TMIE: variants seen among roughly 807,000 people sequenced by gnomAD.
TMIE encodes transmembrane inner ear, also known as transmembrane inner ear expressed protein.
In TMIE, 14 loss-of-function variants were observed where a neutral mutation model predicts 16.8. The ratio of observed to expected loss-of-function variants is 0.83; its 90% confidence interval spans 0.55 to 1.30. The LOEUF (loss-of-function observed/expected upper bound fraction) is 1.30, where lower values mean the gene tolerates loss of function less well. Among genes scored for constraint, TMIE ranks in the 50% most tolerant of loss-of-function variants. TMIE has a pLI of 0.00. For missense variants in TMIE, 204 were observed against 205.9 expected (o/e 0.99, Z 0.06); for synonymous variants, 75 against 87.2 (o/e 0.86, Z 0.78).
At position 46,709,282 on chromosome 3, in the gene TMIE, T is replaced by G. The variant is rs753115872; in HGVS notation, c.361+7T>G. The G allele has an allele frequency of 6.2e-7, 1 of 1,613,926 alleles. No individual in the cohort carries two copies. The highest frequency in any genetic ancestry group is 1.1e-5 in the South Asian group (1 of 91,080). Reference sequence around the variant, plus strand: ...CTCACAGAAGTCCCAGGAGGTGAGTTGGCCCTGGCTTGAGCCCTGCTGCGC... The same window carrying G: ...CTCACAGAAGTCCCAGGAGGTGAGTGGGCCCTGGCTTGAGCCCTGCTGCGC... On this transcript the variant is annotated splice_region_variant and intron_variant, in intron 3 of 3. Coordinates refer to ENST00000643606, the MANE Select transcript of TMIE (RefSeq NM_147196.3).
rs932568006 is a variant in TMIE, at chr3:46,702,923, C to A, written c.93+1343C>A. Among the ~76,000 whole-genome samples the A allele has an allele frequency of 6.6e-5, 10 of 152,204 alleles. No individual in the cohort carries two copies. In the East Asian group the frequency reaches 1.9e-3, roughly 29 times the overall value. ...CTGCCCTGAGGCCTGGGTACAGAAACTGAGCTGGCCTAGGTGCAGACAGAA... is the reference window on the plus strand; with the variant it reads ...CTGCCCTGAGGCCTGGGTACAGAAAATGAGCTGGCCTAGGTGCAGACAGAA... On this transcript the variant is annotated intron_variant, in intron 1 of 3. Coordinates refer to ENST00000643606, the MANE Select transcript of TMIE (RefSeq NM_147196.3).
rs1271625694 is a variant in TMIE, at chr3:46,705,839, C to T, written c.143C>T (p.Thr48Ile). Residue 48 changes from threonine to isoleucine, a missense_variant, in exon 2 of 4, where the codon ACA becomes ATA. By Grantham distance (89) the Thr-to-Ile change is moderately conservative. Transcript: ENST00000643606. ...AAGCCGCCTCCGCTGACCAAGGAGA[C>T]AGTGGTGTTCTGGGACATGCGCCTG... Reference protein sequence around the residue: ...KPKPPPLTKETVVFWDMRLWH... With the variant: ...KPKPPPLTKEIVVFWDMRLWH... 2 of 1,614,062 alleles carry T rather than the reference C, an allele frequency of 1.2e-6. No individual in the cohort carries two copies. The highest frequency in any genetic ancestry group is 1.7e-6 in the Non-Finnish European group (2 of 1,180,052).
At position 46,701,494 on chromosome 3, in the gene TMIE, G is replaced by A. The variant is rs1700475714; in HGVS notation, c.7G>A (p.Gly3Arg). 2 of 1,348,120 alleles carry A rather than the reference G, an allele frequency of 1.5e-6. No homozygotes were observed. The highest frequency in any genetic ancestry group is 1.9e-6 in the Non-Finnish European group (2 of 1,053,774). The allele number at this position is 1,348,120 out of a possible 1,614,324, so 83.5% of individuals were successfully genotyped here. A position where few individuals can be genotyped will look rare whatever the true frequency, so the allele number is the denominator to read the frequency against. The change falls in exon 1 of 4, where the codon GGG (glycine) becomes AGG (arginine). Residue 3 changes from glycine (G) to arginine (R), a missense_variant. Coordinates refer to ENST00000643606, the MANE Select transcript of TMIE (RefSeq NM_147196.3). The surrounding 1 kb of genome is among the most constrained non-coding windows in gnomAD (Gnocchi z 4.3). The part of the protein sequence containing the change: MA[G>R]WPGAGPLCVL... ...GCGGCGCGGTGGCACGAAGATGGCG[G>A]GGTGGCCGGGCGCGGGTCCCCTCTG...
intron 2 of TMIE, among the ~76,000 whole-genome samples, chr3:46,707,762 ACTG>A (rs1700570184): frequency 6.6e-6 from 1 of 152,168 alleles, no homozygotes; most frequent in Admixed American, 6.5e-5. Flanking sequence ...TCAGTGGCCC[ACTG>A]AGCTCCTTAG....
At position 46,710,286 on chromosome 3, in the gene TMIE, C is replaced by G. The variant is rs1263376520; in HGVS notation, c.*598C>G. On this transcript the variant is annotated 3_prime_UTR_variant, in exon 4 of 4. Transcript: ENST00000643606. Reference sequence around the variant, plus strand: ...GGCTTCAGAAATGGAACCCCCAGCCCAGCAGACATCAAGCTCAAGGCAATG... The same window carrying G: ...GGCTTCAGAAATGGAACCCCCAGCCGAGCAGACATCAAGCTCAAGGCAATG... 1.1e-5 allele frequency: 2 copies of G among 177,858 alleles called. No individual in the cohort carries two copies. Among genetic ancestry groups the G allele is most frequent in the African/African-American group, 4.7e-5 (2 of 42,518 alleles). The allele number at this position is 177,858 out of a possible 1,614,324, so 11.0% of individuals were successfully genotyped here.
At chr3:46,699,027 A>G (rs1700438688), upstream of TMIE, among the ~76,000 whole-genome samples, 1 of 150,912 alleles carries the variant, frequency 6.6e-6, no homozygotes, top group African/African-American at 2.4e-5. Flanking sequence ...AGAGGGCACA[A>G]AAGGAAACTT....
chr3:46,696,500 A>G (rs1700412838), upstream of TMIE, among the ~76,000 whole-genome samples: 1 of 151,900 alleles, frequency 6.6e-6, no homozygotes, highest in Admixed American at 6.6e-5. Flanking sequence ...GGGACAGCCA[A>G]CTCCCAGCAG....
At position 46,709,863 on chromosome 3, in the gene TMIE, T is replaced by G. The variant is rs1421379382; in HGVS notation, c.*175T>G. On this transcript the variant is annotated 3_prime_UTR_variant, in exon 4 of 4. Transcript: ENST00000643606. ...CAGGGGCAGGAACCAGACAATCTCG[T>G]AGGTGTCCTGCCCCCCAGCCTAGGC... is the stretch of plus-strand genomic sequence containing the variant. The G allele has an allele frequency of 7.5e-7, 1 of 1,338,250 alleles. No homozygotes were observed. Among genetic ancestry groups the G allele is most frequent in the African/African-American group, 1.5e-5 (1 of 68,144 alleles). The allele number at this position is 1,338,250 out of a possible 1,614,324, so 82.9% of individuals were successfully genotyped here.
At chr3:46,696,676 C>T (rs1473685442), upstream of TMIE, among the ~76,000 whole-genome samples, 1 of 152,184 alleles carries the variant, frequency 6.6e-6, no homozygotes, top group Non-Finnish European at 1.5e-5. Flanking sequence ...CAGGAGAGAA[C>T]ATTCCACAGG....
chr3:46,702,944 C>A (rs75278681), intron 1 of TMIE, among the ~76,000 whole-genome samples: 3,803 of 152,070 alleles, frequency 0.025, 53 homozygotes, highest in Non-Finnish European at 0.032. Context: ...TAGGTGCAGA[C>A]AGAAAGCTGG....
Position 46,710,330 on chromosome 3 carries a change from C to T in TMIE, c.*642C>T, listed in dbSNP as rs78774613. The T allele has an allele frequency of 6.7e-3, 1,078 of 161,418 alleles. 14 individuals carry two copies. The highest frequency in any genetic ancestry group is 0.024 in the African/African-American group (1,011 of 41,674). 10.0% of individuals were successfully genotyped at this position (161,418 alleles called of 1,614,324 possible). On this transcript the variant is annotated 3_prime_UTR_variant, in exon 4 of 4. Transcript: ENST00000643606. ...GGCAATGGGCTACCCTCATTTCACA[C>T]GTTGTGATGAAGCTGAGGCTGCTGC...
chr3:46,696,908 A>G (rs1438193231), upstream of TMIE, among the ~76,000 whole-genome samples: 1 of 152,116 alleles, frequency 6.6e-6, no homozygotes, highest in East Asian at 1.9e-4. Flanking sequence ...AACCCCAGAT[A>G]TGATGGGCCC....
chr3:46,702,136 C>T lies in TMIE; in HGVS notation c.93+556C>T, dbSNP rs181747760. 1.2e-3 allele frequency among the ~76,000 whole-genome samples: 181 copies of T among 151,992 alleles called. 2 individuals carry two copies. Among genetic ancestry groups the T allele is most frequent in the Admixed American group, 7.9e-3 (121 of 15,278 alleles). On this transcript the variant is annotated intron_variant, in intron 1 of 3. Coordinates refer to ENST00000643606, the MANE Select transcript of TMIE (RefSeq NM_147196.3). ...GGTGGGGGCAGCAGGATGAGGAGAC[C>T]CTTTACAGAGAAGCTATGTGGAGCA...
rs1700547380 is a variant in TMIE, at chr3:46,705,900, G to T, written c.204G>T (p.Leu68Phe). The change falls in exon 2 of 4, where the codon TTG (leucine) becomes TTT (phenylalanine). Residue 68 changes from leucine (L) to phenylalanine (F), a missense_variant. Physicochemically the swap from Leu to Phe is conservative, Grantham distance 22 (BLOSUM62 0). Transcript: ENST00000643606. Reference sequence around the variant, plus strand: ...TGGGCATCTTTTCGCTCTTCGTGTTGTCCATCAGTGAGTAGCTGTTCCCTT... The same window carrying T: ...TGGGCATCTTTTCGCTCTTCGTGTTTTCCATCAGTGAGTAGCTGTTCCCTT... ...HVVGIFSLFV[L>F]SIIITLCCVF... 4 of 1,613,878 alleles carry T rather than the reference G, an allele frequency of 2.5e-6. No homozygotes were observed. The highest frequency in any genetic ancestry group is 1.3e-5 in the African/African-American group (1 of 74,922).
intron 1 of TMIE, among the ~76,000 whole-genome samples, chr3:46,703,072 A>G (rs1472780345): frequency 6.6e-6 from 1 of 152,138 alleles, no homozygotes; most frequent in African/African-American, 2.4e-5. Context: ...ATCTGCCTAC[A>G]GTCTGAGCAA....
upstream of TMIE, among the ~76,000 whole-genome samples, chr3:46,696,932 G>T (rs548438292): frequency 1.3e-5 from 2 of 152,288 alleles, no homozygotes; most frequent in South Asian, 4.1e-4. Context: ...TGATTTTGGG[G>T]TGCAGGGGGA....
intron 2 of TMIE, among the ~76,000 whole-genome samples, chr3:46,706,341 T>C (rs1240391648): frequency 6.6e-6 from 1 of 152,168 alleles, no homozygotes; most frequent in East Asian, 1.9e-4. Flanking sequence ...AATCCCTGCC[T>C]TGTCAAATAC....
rs1171565989 is a variant in TMIE, at chr3:46,709,124, A to T, written c.212-2A>T. On this transcript the variant is annotated splice_acceptor_variant, in intron 2 of 3. Transcript: ENST00000643606. LOFTEE classifies it high-confidence loss of function. ...GCCAAGCCTGCTCTGTCCTCCCTAC[A>T]GTCATCACGCTGTGCTGTGTCTTCA... 1 of 1,614,086 alleles carries T rather than the reference A, an allele frequency of 6.2e-7. No homozygotes were observed.
chr3:46,702,721 G>A (rs1700491983), intron 1 of TMIE, among the ~76,000 whole-genome samples: 1 of 152,120 alleles, frequency 6.6e-6, no homozygotes, highest in Non-Finnish European at 1.5e-5. Context: ...GCCCTGAACT[G>A]GAGGGTTTGA....
Sources: allele counts gnomAD v4.1 joint callset (sites outside exome capture counted in the v4.1 genomes callset), GRCh38; gene constraint gnomAD v4.1.1; non-coding constraint Gnocchi (gnomAD v3.1); transcripts MANE v1.5; gene names NCBI Gene and HGNC (gene_info 2026-07-23, HGNC 2026-07-21).